SLC36A1: variants seen among roughly 807,000 people sequenced by gnomAD.
SLC36A1 encodes solute carrier family 36 member 1, also known as proton-coupled amino acid transporter 1.
SLC36A1 carries 30 observed loss-of-function variants against 47.5 expected under a neutral mutation model. The ratio of observed to expected loss-of-function variants is 0.63; its 90% CI spans 0.47 to 0.86. The LOEUF (loss-of-function observed/expected upper bound fraction) is 0.86, where lower values mean the gene tolerates loss of function less well. SLC36A1 is among the 40% of genes least tolerant of loss of function. The pLI, the probability that SLC36A1 is intolerant of heterozygous loss-of-function variation, is 0.00. For missense variants in SLC36A1, 517 were observed against 606.0 expected, an observed-to-expected ratio of 0.85 and a Z score of 1.54; for synonymous variants, 255 against 249.7, an observed-to-expected ratio of 1.02 and a Z score of -0.20.
chr5:151,490,963 G>A lies in SLC36A1; in HGVS notation c.*2709G>A, dbSNP rs115685559. On this transcript the variant is annotated 3_prime_UTR_variant, in exon 11 of 11. Coordinates refer to ENST00000243389, the MANE Select transcript of SLC36A1 (RefSeq NM_078483.4). ...GTAGAAATATGATCACAGAGCAACGGAGCAAAGGCTTTCGGGAGTGTGAGG... is the reference window on the plus strand; with the variant it reads ...GTAGAAATATGATCACAGAGCAACGAAGCAAAGGCTTTCGGGAGTGTGAGG... 0.01 allele frequency: 1,600 copies of A among 152,472 alleles called. 11 individuals carry two copies. The highest frequency in any genetic ancestry group is 0.015 in the Non-Finnish European group (1,023 of 68,160). 9.4% of individuals were successfully genotyped at this position (152,472 alleles called of 1,614,324 possible). A position where few individuals can be genotyped will look rare whatever the true frequency, so the allele number is the denominator to read the frequency against.
intron 1 of SLC36A1, among the ~76,000 whole-genome samples, chr5:151,456,575 G>A (rs983915318): frequency 6.6e-6 from 1 of 152,068 alleles, no homozygotes; most frequent in Non-Finnish European, 1.5e-5. Flanking sequence ...CGGCCCTCTA[G>A]TGAGTTTAAT....
chr5:151,470,679 T>C (rs1040262871), intron 7 of SLC36A1, among the ~76,000 whole-genome samples: 5 of 152,250 alleles, frequency 3.3e-5, no homozygotes, highest in Non-Finnish European at 7.3e-5. Flanking sequence ...TTGTTGCCGC[T>C]GCCTCTGCGG....
At chr5:151,549,325 T>A in the SLC36A1 span, 2 of 1,613,524 alleles carry the variant, frequency 1.2e-6, no homozygotes. Flanking sequence ...ACCTCAGCAT[T>A]GACTCCCCGG....
intron 1 of SLC36A1, among the ~76,000 whole-genome samples, chr5:151,448,590 T>A (rs374464299): frequency 3.3e-5 from 5 of 152,364 alleles, no homozygotes; most frequent in African/African-American, 1.2e-4. Flanking sequence ...GATAGGTGGC[T>A]GAGCCGAGGT....
chr5:151,509,549 T>C, the SLC36A1 span: 1 of 155,344 alleles, frequency 6.4e-6, no homozygotes, highest in African/African-American at 2.4e-5. Context: ...ACAAACCCTG[T>C]TGTGAACTGT....
the SLC36A1 span, among the ~76,000 whole-genome samples, chr5:151,375,180 T>G: frequency 6.6e-6 from 1 of 152,208 alleles, no homozygotes; most frequent in South Asian, 2.1e-4. Context: ...TCTAGCATTT[T>G]AATAGTTTCA....
At chr5:151,440,741 G>A (rs549204739) in intron 1 of SLC36A1, among the ~76,000 whole-genome samples, 3 of 152,264 alleles carry the variant, frequency 2.0e-5, no homozygotes, top group African/African-American at 7.2e-5. Flanking sequence ...CAGAACCAAG[G>A]AGGGTTTTCA....
At chr5:151,549,235 C>T in the SLC36A1 span, 55 of 1,524,954 alleles carry the variant, frequency 3.6e-5, no homozygotes, top group Non-Finnish European at 4.6e-5. Flanking sequence ...GCCTCTAGTG[C>T]TTTCCTTTAT....
At chr5:151,393,435 T>C in the SLC36A1 span, among the ~76,000 whole-genome samples, 2,939 of 152,306 alleles carry the variant, frequency 0.019, 99 homozygotes, top group African/African-American at 0.067. Flanking sequence ...GTGAATTTGA[T>C]CCTGTCATTA....
chr5:151,399,084 A>ATATATATATATATTTTT, the SLC36A1 span, among the ~76,000 whole-genome samples: 25 of 60,030 alleles, frequency 4.2e-4, no homozygotes, highest in Non-Finnish European at 6.9e-4. Flanking sequence ...ATATATATAT[A>ATATATATATATATTTTT]TTTTTTTTTT....
chr5:151,483,513 T>TGA (rs1759092289), intron 10 of SLC36A1, among the ~76,000 whole-genome samples: 1 of 86,602 alleles, frequency 1.2e-5, no homozygotes, highest in East Asian at 2.6e-4. Context: ...GGTCTTTGTG[T>TGA]GTGTGGGGGG....
At chr5:151,460,237 C>T (rs1755308969) in intron 2 of SLC36A1, among the ~76,000 whole-genome samples, 1 of 152,164 alleles carries the variant, frequency 6.6e-6, no homozygotes. Flanking sequence ...TACTTCTAAG[C>T]TTCCTTCTCT....
At chr5:151,473,330 C>G (rs991280755) in intron 7 of SLC36A1, among the ~76,000 whole-genome samples, 1 of 152,176 alleles carries the variant, frequency 6.6e-6, no homozygotes, top group Non-Finnish European at 1.5e-5. Context: ...CAGCTTTGCT[C>G]AGTGTTTTTC....
chr5:151,471,563 A>G (rs1055202855), intron 7 of SLC36A1, among the ~76,000 whole-genome samples: 2 of 152,216 alleles, frequency 1.3e-5, no homozygotes, highest in Admixed American at 1.3e-4. Flanking sequence ...GTGACTCAGG[A>G]ATAATTACAG....
At chr5:151,468,266 A>AAAATATATATATATATATATAT (rs55642458) in intron 7 of SLC36A1, among the ~76,000 whole-genome samples, 2 of 63,818 alleles carry the variant, frequency 3.1e-5, no homozygotes, top group African/African-American at 1.8e-4. Context: ...AAAAAAAAAA[A>AAAATATATATATATATATATAT]ATATATATAT....
chr5:151,437,548 A>G (rs1759841931), intron 1 of SLC36A1, among the ~76,000 whole-genome samples: 1 of 152,120 alleles, frequency 6.6e-6, no homozygotes, highest in African/African-American at 2.4e-5. Flanking sequence ...TCATTTCTCT[A>G]TACAATATAG....
chr5:151,534,854 G>A, the SLC36A1 span, among the ~76,000 whole-genome samples: 1 of 151,522 alleles, frequency 6.6e-6, no homozygotes, highest in Non-Finnish European at 1.5e-5. Context: ...CACATTGCCA[G>A]TTTAAGATCA....
At chr5:151,400,409 G>GATGGACATCTAGGTTGATTTC in the SLC36A1 span, among the ~76,000 whole-genome samples, 3 of 152,276 alleles carry the variant, frequency 2.0e-5, no homozygotes, top group South Asian at 6.2e-4. Context: ...ATTCACAACT[G>GATGGACATCTAGGTTGATTTC]ATGGACATCT....
At chr5:151,397,489 G>A in the SLC36A1 span, among the ~76,000 whole-genome samples, 1 of 152,158 alleles carries the variant, frequency 6.6e-6, no homozygotes, top group Non-Finnish European at 1.5e-5. Context: ...CTGAGAAGTG[G>A]TAAGAATGTC....
Sources: allele counts gnomAD v4.1 joint callset (sites outside exome capture counted in the v4.1 genomes callset), GRCh38; gene constraint gnomAD v4.1.1; transcripts MANE v1.5; gene names NCBI Gene and HGNC (gene_info 2026-07-23, HGNC 2026-07-21).